TRPM7: variants seen among roughly 807,000 people sequenced by gnomAD.
TRPM7 encodes the protein transient receptor potential cation channel subfamily M member 7.
TRPM7 carries 134 observed loss-of-function variants against 229.7 expected under a neutral mutation model. The observed-to-expected ratio is 0.58, with a 90% confidence interval of 0.51 to 0.67. The LOEUF is 0.67. TRPM7 is among the 30% of genes least tolerant of loss of function. TRPM7 has a pLI of 0.00. For synonymous variants in TRPM7, 699 were observed against 715.2 expected (o/e 0.98, Z 0.36); for missense variants, 1,901 against 2,210.0 (o/e 0.86, Z 2.80).
chr15:50,586,984 C>T (rs1172776056), intron 27 of TRPM7, among the ~76,000 whole-genome samples: 1 of 151,996 alleles, frequency 6.6e-6, no homozygotes, highest in African/African-American at 2.4e-5. Flanking sequence ...CCACTGCACT[C>T]CAGCCTGCTG....
At chr15:50,624,848 T>A (rs1469088488) in intron 11 of TRPM7, among the ~76,000 whole-genome samples, 4 of 152,174 alleles carry the variant, frequency 2.6e-5, no homozygotes, top group Admixed American at 2.6e-4. Flanking sequence ...TTCATCATAG[T>A]TTTTGTTCTA....
Position 50,559,021 on chromosome 15 carries a change from T to G in TRPM7, c.*2657A>C, listed in dbSNP as rs893699636. The G allele has an allele frequency of 6.7e-6, 1 of 149,030 alleles. No individual in the cohort carries two copies. The highest frequency in any genetic ancestry group is 1.5e-5 in the Non-Finnish European group (1 of 66,342). The allele number at this position is 149,030 out of a possible 1,614,324, so 9.2% of individuals were successfully genotyped here. On this transcript the variant is annotated 3_prime_UTR_variant, in exon 39 of 39. Transcript: ENST00000646667. ...GATCCTCCCACCTCAGTCTCCCAAG[T>G]AGCTGGAACTACAGGTGCACACCAT...
intron 21 of TRPM7, 173 bp downstream of exon 21, chr15:50,604,693 G>C: frequency 1.6e-6 from 1 of 627,946 alleles, no homozygotes; most frequent in Non-Finnish European, 2.7e-6. Flanking sequence ...GGGTATAGGG[G>C]ATTGGGATTG....
intron 5 of TRPM7, among the ~76,000 whole-genome samples, chr15:50,642,298 A>G (rs746060724): frequency 6.6e-6 from 1 of 152,208 alleles, no homozygotes; most frequent in Non-Finnish European, 1.5e-5. Context: ...GCTAAACAGT[A>G]TAAGCTTTAT....
intron 11 of TRPM7, among the ~76,000 whole-genome samples, chr15:50,625,626 C>T (rs1312984577): frequency 6.6e-6 from 1 of 152,050 alleles, no homozygotes; most frequent in Non-Finnish European, 1.5e-5. Flanking sequence ...GTCTCAAACT[C>T]CTGGCCTCAA....
intron 8 of TRPM7, among the ~76,000 whole-genome samples, chr15:50,633,582 T>C (rs1388858238): frequency 1.3e-5 from 2 of 152,186 alleles, no homozygotes; most frequent in African/African-American, 4.8e-5. Flanking sequence ...ACAATATATA[T>C]GCTTCTCTAC....
chr15:50,669,693 T>C (rs1483038692), intron 1 of TRPM7, among the ~76,000 whole-genome samples: 5 of 152,132 alleles, frequency 3.3e-5, no homozygotes, highest in Admixed American at 2.0e-4. Context: ...TAGATTCTAG[T>C]CTCATCAGTT....
intron 2 of TRPM7, among the ~76,000 whole-genome samples, chr15:50,661,921 G>C (rs930405965): frequency 6.6e-6 from 1 of 152,068 alleles, no homozygotes; most frequent in Non-Finnish European, 1.5e-5. Context: ...TTAGGCCTCA[G>C]AAAAAAGAAA....
chr15:50,661,806 A>G (rs2061731027), intron 2 of TRPM7, among the ~76,000 whole-genome samples: 1 of 152,202 alleles, frequency 6.6e-6, no homozygotes, highest in Admixed American at 6.6e-5. Context: ...TCTTGCAAAT[A>G]CTTTTGTCAA....
At chr15:50,577,981 CATTTATATAGCCA>C (rs1197626702) in intron 31 of TRPM7, among the ~76,000 whole-genome samples, 3 of 152,136 alleles carry the variant, frequency 2.0e-5, no homozygotes, top group Non-Finnish European at 4.4e-5. Context: ...TGTACAATTT[CATTTATATAGCCA>C]ATATGCACAT....
intron 13 of TRPM7, among the ~76,000 whole-genome samples, chr15:50,617,619 A>C (rs77758819): frequency 0.18 from 27,513 of 151,980 alleles, 3,184 homozygotes; most frequent in East Asian, 0.46. Flanking sequence ...TTTTTAAAAA[A>C]CATCCTCAAG....
chr15:50,621,172 A>C (rs986246521), intron 12 of TRPM7, among the ~76,000 whole-genome samples: 4 of 151,454 alleles, frequency 2.6e-5, no homozygotes, highest in Non-Finnish European at 4.4e-5. Flanking sequence ...AAAAAAAAAA[A>C]AAAAAAAAAA....
At chr15:50,598,680 A>G (rs2059695136) in intron 22 of TRPM7, among the ~76,000 whole-genome samples, 1 of 152,218 alleles carries the variant, frequency 6.6e-6, no homozygotes. Context: ...GGGAATTTCT[A>G]TGAAAGGGAC....
At chr15:50,575,263 A>G in intron 33 of TRPM7, 128 bp from the exon 34 acceptor site, 1 of 714,814 alleles carries the variant, frequency 1.4e-6, no homozygotes, top group Non-Finnish European at 2.2e-6. Context: ...GTAGTTTTAT[A>G]CAAAGAAATT....
In TRPM7 at chr15:50,560,514, A is replaced by G. The variant is rs2053270199; in HGVS notation, c.*1164T>C. 1.3e-5 allele frequency: 2 copies of G among 152,720 alleles called. No homozygotes were observed. Among genetic ancestry groups the G allele is most frequent in the Non-Finnish European group, 2.9e-5 (2 of 68,008 alleles). 9.5% of individuals were successfully genotyped at this position (152,720 alleles called of 1,614,324 possible). A position where few individuals can be genotyped will look rare whatever the true frequency, so the allele number is the denominator to read the frequency against. On this transcript the variant is annotated 3_prime_UTR_variant, in exon 39 of 39. Transcript: ENST00000646667. The stretch of plus-strand genomic sequence containing the variant: ...TCCCTTCCAAATAAAAATTAAAATT[A>G]GTACCAAGGAAACAAAAGAAAAAGA...
chr15:50,660,287 G>C (rs2061691090), intron 2 of TRPM7, among the ~76,000 whole-genome samples: 1 of 151,790 alleles, frequency 6.6e-6, no homozygotes, highest in Admixed American at 6.6e-5. Flanking sequence ...AAAAAATTGA[G>C]GGATATTTAA....
intron 1 of TRPM7, among the ~76,000 whole-genome samples, chr15:50,666,819 C>T (rs368376636): frequency 6.6e-5 from 10 of 151,810 alleles, no homozygotes; most frequent in Admixed American, 2.0e-4. Flanking sequence ...AAAGAAGAGG[C>T]GGTGGAGGTG....
intron 4 of TRPM7, among the ~76,000 whole-genome samples, chr15:50,647,038 C>T (rs1391666585): frequency 6.6e-6 from 1 of 152,242 alleles, no homozygotes; most frequent in Non-Finnish European, 1.5e-5. Flanking sequence ...AATTGCCTAA[C>T]ACATCTCTGA....
At chr15:50,580,213 C>T (rs2054333867) in intron 30 of TRPM7, among the ~76,000 whole-genome samples, 1 of 149,642 alleles carries the variant, frequency 6.7e-6, no homozygotes, top group Non-Finnish European at 1.5e-5. Flanking sequence ...CAAAACAAGA[C>T]TTTTTTTTTT....
Sources: allele counts gnomAD v4.1 joint callset (sites outside exome capture counted in the v4.1 genomes callset), GRCh38; gene constraint gnomAD v4.1.1; transcripts MANE v1.5; gene names NCBI Gene and HGNC (gene_info 2026-07-23, HGNC 2026-07-21).